Variants in ELL observed in about 807,000 individuals in gnomAD.
ELL encodes the protein RNA polymerase II elongation factor ELL.
ELL carries 18 observed loss-of-function variants against 64.0 expected under a neutral mutation model. The ratio of observed to expected loss-of-function variants is 0.28; its 90% CI spans 0.19 to 0.42. The LOEUF is 0.42. ELL is among the 10% of genes least tolerant of loss of function. The probability of loss-of-function intolerance (pLI) is 1.00; values close to 1 mark genes in which losing one functional copy is unlikely to be tolerated. For synonymous variants in ELL, 399 were observed against 376.2 expected, an observed-to-expected ratio of 1.06 and a Z score of -0.70; for missense variants, 797 against 870.4, an observed-to-expected ratio of 0.92 and a Z score of 1.06.
chr19:18,465,233 T>C (rs1279700069), intron 4 of ELL, among the ~76,000 whole-genome samples, 179 bp downstream of exon 4: 1 of 152,134 alleles, frequency 6.6e-6, no homozygotes, highest in Non-Finnish European at 1.5e-5. Context: ...CATGTGGCCA[T>C]ACCTCTCTTC....
intron 4 of ELL, among the ~76,000 whole-genome samples, chr19:18,462,968 G>A (rs918889237): frequency 4.6e-5 from 7 of 152,182 alleles, no homozygotes; most frequent in Non-Finnish European, 7.3e-5. Context: ...TATCCCCAAC[G>A]CAGAGACGTG....
chr19:18,498,337 G>A (rs974257316), intron 1 of ELL, among the ~76,000 whole-genome samples: 1 of 152,110 alleles, frequency 6.6e-6, no homozygotes. Flanking sequence ...ATTAGATTTC[G>A]AGAAGGGCTT....
intron 1 of ELL, among the ~76,000 whole-genome samples, chr19:18,506,664 C>T (rs1375261095): frequency 1.3e-5 from 2 of 152,162 alleles, no homozygotes; most frequent in African/African-American, 2.4e-5. Flanking sequence ...GCCAAGGCTG[C>T]AGTGAGCTAT....
intron 3 of ELL, 58 bp from the exon 4 acceptor site, chr19:18,465,633 T>C (rs919474801): frequency 6.7e-7 from 1 of 1,499,408 alleles, no homozygotes; most frequent in Non-Finnish European, 8.9e-7. Context: ...GGAGGATCCG[T>C]TGAGGGCCCA....
intron 1 of ELL, among the ~76,000 whole-genome samples, chr19:18,485,622 A>G (rs983751930): frequency 3.3e-5 from 5 of 152,188 alleles, no homozygotes; most frequent in African/African-American, 1.2e-4. Flanking sequence ...AGGGTGCCCC[A>G]TGAGGCCTGG....
intron 1 of ELL, among the ~76,000 whole-genome samples, chr19:18,519,891 A>G (rs1011946516): frequency 6.6e-6 from 1 of 151,982 alleles, no homozygotes; most frequent in Non-Finnish European, 1.5e-5. Flanking sequence ...AGAAAAATCC[A>G]AGTTTGAATC....
chr19:18,444,788 G>C lies in ELL; in HGVS notation c.1830C>G (p.Ala610=), dbSNP rs777550277. ...CCTGCAGCTGCCGCTGGTCGTACTC[G>C]GCGATGAGCCTCTTGATGTGGGCCA... ...SKLAHIKRLI[A]EYDQRQLQAW... The change falls in exon 12 of 12, where the codon GCC becomes GCG. Residue 610 remains alanine (A), a synonymous_variant. Transcript: ENST00000262809. 3 of 1,609,346 alleles carry C rather than the reference G, an allele frequency of 1.9e-6. No homozygotes were observed. Among genetic ancestry groups the C allele is most frequent in the South Asian group, 1.1e-5 (1 of 91,072 alleles).
Position 18,446,675 on chromosome 19 carries a change from C to G in ELL, c.1532+73G>C. On this transcript the variant is annotated intron_variant, in intron 9 of 11. Coordinates refer to ENST00000262809, the MANE Select transcript of ELL (RefSeq NM_006532.4). ...TGCAGTGGCTTCTACCTCTGATAACCTGCAGTGCTGGGGGAGGGGGTCTGA... is the reference window on the plus strand; with the variant it reads ...TGCAGTGGCTTCTACCTCTGATAACGTGCAGTGCTGGGGGAGGGGGTCTGA... The G allele has an allele frequency of 2.5e-6, 4 of 1,579,624 alleles. 1 individual carries two copies. In the South Asian group the frequency reaches 4.5e-5, roughly 18 times the overall value.
At chr19:18,459,362 C>T (rs925177585) in intron 5 of ELL, among the ~76,000 whole-genome samples, 1 of 152,186 alleles carries the variant, frequency 6.6e-6, no homozygotes, top group Non-Finnish European at 1.5e-5. Context: ...AGAACGTCTG[C>T]CTTAGAGGGA....
rs1183127480 is a variant in ELL, at chr19:18,509,598, TACACACACACACACACACACAC to T, written c.135+12301_135+12322del. ...CAATGCACGTGCGCGCGCGCGCACA[TACACACACACACACACACACAC>T]ACACACACACACACACACACACACA... On this transcript the variant is annotated intron_variant, in intron 1 of 11. Coordinates refer to ENST00000262809, the MANE Select transcript of ELL (RefSeq NM_006532.4). Among the ~76,000 whole-genome samples the T allele has an allele frequency of 5.7e-4, 47 of 81,876 alleles. 1 individual carries two copies. The highest frequency in any genetic ancestry group is 9.0e-4 in the South Asian group (2 of 2,216). 53.7% of individuals were successfully genotyped at this position (81,876 alleles called of 152,430 possible).
chr19:18,498,058 G>A (rs952816339), intron 1 of ELL, among the ~76,000 whole-genome samples: 2 of 152,008 alleles, frequency 1.3e-5, no homozygotes, highest in African/African-American at 4.8e-5. Flanking sequence ...AACCCAGGAG[G>A]TGGAGGTTGG....
chr19:18,452,929 G>A (rs1474228564), intron 6 of ELL, among the ~76,000 whole-genome samples: 3 of 152,184 alleles, frequency 2.0e-5, no homozygotes, highest in Admixed American at 6.5e-5. Context: ...AGAGGAACAC[G>A]AAAATACATT....
chr19:18,469,469 T>C, intron 2 of ELL, among the ~76,000 whole-genome samples: 1 of 152,248 alleles, frequency 6.6e-6, no homozygotes, highest in Admixed American at 6.5e-5. Context: ...ACGCAGCCCC[T>C]GCTCAGCCTT....
Position 18,446,350 on chromosome 19 carries a change from C to A in ELL, c.1663G>T (p.Ala555Ser), listed in dbSNP as rs778608559. The A allele has an allele frequency of 1.9e-6, 3 of 1,602,602 alleles. No individual in the cohort carries two copies. Among genetic ancestry groups the A allele is most frequent in the Non-Finnish European group, 2.5e-6 (3 of 1,176,840 alleles). ...RITRRFTQLD[A>S]QLRQLSQGSE... ...CCCTGGGAGAGCTGCCGGAGCTGGG[C>A]GTCGAGCTGGGTGAACCGCCGCGTG... The change falls in exon 10 of 12, where the codon GCC becomes TCC. Residue 555 changes from alanine to serine, a missense_variant. By Grantham distance (99) the Ala-to-Ser change is moderately conservative (BLOSUM62 1). Transcript: ENST00000262809.
intron 8 of ELL, 77 bp downstream of exon 8, chr19:18,450,400 C>T (rs957499364): frequency 3.2e-5 from 49 of 1,553,336 alleles, no homozygotes; most frequent in Middle Eastern, 2.3e-4. Context: ...TGAGCCCCCT[C>T]GACACCCCAT....
chr19:18,502,744 G>A (rs576749849), intron 1 of ELL, among the ~76,000 whole-genome samples: 3 of 152,202 alleles, frequency 2.0e-5, no homozygotes, highest in Middle Eastern at 3.2e-3. Flanking sequence ...GTGGGAACAC[G>A]GGGTGGCAGC....
intron 8 of ELL, among the ~76,000 whole-genome samples, chr19:18,447,586 G>T (rs1310050657): frequency 6.6e-6 from 1 of 152,234 alleles, no homozygotes; most frequent in Non-Finnish European, 1.5e-5. Context: ...CTGCTCCTGA[G>T]CCATGTGGTG....
At position 18,461,643 on chromosome 19, in the gene ELL, G is replaced by T; in HGVS notation, c.679C>A (p.Leu227Met). 1 of 1,611,946 alleles carries T rather than the reference G, an allele frequency of 6.2e-7. No homozygotes were observed. Residue 227 changes from leucine (L) to methionine (M), a missense_variant, in exon 5 of 12, where the codon CTG becomes ATG. Physicochemically the swap from Leu to Met is conservative, Grantham distance 15. Transcript: ENST00000262809. ...GTCAGGCCGTCCTTCTGCAGTCGCAGCAGCAGCTCAGCCTTGCGGTAGGGC... is the reference window on the plus strand; with the variant it reads ...GTCAGGCCGTCCTTCTGCAGTCGCATCAGCAGCTCAGCCTTGCGGTAGGGC... ...LRPYRKAELL[L>M]RLQKDGLTQA...
Position 18,461,854 on chromosome 19 carries a change from TGC to T in ELL, c.470-4_470-3del. On this transcript the variant is annotated splice_region_variant and splice_polypyrimidine_tract_variant and intron_variant, in intron 4 of 11. Coordinates refer to ENST00000262809, the MANE Select transcript of ELL (RefSeq NM_006532.4). Reference sequence around the variant, plus strand: ...GTTTCCGAAACTGAACCTTCTTGCCTGCAACAAGAATCCAAGCTTTAGGGAAC... The same window carrying T: ...GTTTCCGAAACTGAACCTTCTTGCCTAACAAGAATCCAAGCTTTAGGGAAC... The T allele has an allele frequency of 6.2e-7, 1 of 1,610,022 alleles. No homozygotes were observed. Among genetic ancestry groups the T allele is most frequent in the Non-Finnish European group, 8.5e-7 (1 of 1,177,116 alleles).
Sources: gnomAD v4.1 joint callset for allele counts (sites outside exome capture counted in the v4.1 genomes callset) on GRCh38, gnomAD v4.1.1 for gene constraint, MANE v1.5 for transcripts, NCBI Gene and HGNC (gene_info 2026-07-23, HGNC 2026-07-21) for gene names.